GALNTL6: variants seen among roughly 807,000 people sequenced by gnomAD.
GALNTL6 encodes the protein polypeptide N-acetylgalactosaminyltransferase-like 6.
A neutral mutation model predicts 73.7 loss-of-function variants in GALNTL6; 46 were observed. The ratio of observed to expected loss-of-function variants is 0.62; its 90% confidence interval spans 0.49 to 0.80. GALNTL6 has a LOEUF of 0.80. Ranked by LOEUF, GALNTL6 falls within the 30% of genes least tolerant of loss-of-function variation. The pLI is 0.00. For synonymous variants in GALNTL6, 259 were observed against 263.7 expected (o/e 0.98, Z 0.17); for missense variants, 604 against 755.0 (o/e 0.80, Z 2.34).
At chr4:172,825,202 A>G (rs1029489533) in intron 7 of GALNTL6, among the ~76,000 whole-genome samples, 1 of 151,258 alleles carries the variant, frequency 6.6e-6, no homozygotes, top group African/African-American at 2.4e-5. Flanking sequence ...AGAGAAAGAA[A>G]TGTCTGTTTT....
chr4:172,746,282 A>G (rs1737105041), intron 5 of GALNTL6, among the ~76,000 whole-genome samples: 1 of 148,436 alleles, frequency 6.7e-6, no homozygotes, highest in African/African-American at 2.6e-5. Flanking sequence ...GAGATACTGC[A>G]TAGTCTAATG....
chr4:172,566,570 T>G (rs1172019394), intron 5 of GALNTL6, among the ~76,000 whole-genome samples: 1 of 151,786 alleles, frequency 6.6e-6, no homozygotes, highest in African/African-American at 2.4e-5. Flanking sequence ...TAGCAATAAA[T>G]GCCTGCATTT....
intron 5 of GALNTL6, among the ~76,000 whole-genome samples, chr4:172,406,975 A>G (rs1049872965): frequency 4.6e-5 from 7 of 152,128 alleles, no homozygotes; most frequent in African/African-American, 1.7e-4. Flanking sequence ...TACAGAAATC[A>G]TCTGATATCT....
At chr4:172,302,011 C>T (rs982584724) in intron 3 of GALNTL6, among the ~76,000 whole-genome samples, 3 of 152,182 alleles carry the variant, frequency 2.0e-5, no homozygotes, top group African/African-American at 7.2e-5. Flanking sequence ...CTGCGGTGGG[C>T]TCCACCCAGT....
Position 171,967,447 on chromosome 4 carries a change from G to GT in GALNTL6, c.138+152747dup, listed in dbSNP as rs759348628. ...GATTGTAGTTTTCTTCCCCCTATGG[G>GT]TTTTTTTTTTTTTTTTTTGTAGATG... On this transcript the variant is annotated intron_variant, in intron 2 of 12. Transcript: ENST00000506823. 2.3e-3 allele frequency among the ~76,000 whole-genome samples: 33 copies of GT among 14,374 alleles called. 1 individual carries two copies. The highest frequency in any genetic ancestry group is 3.0e-3 in the African/African-American group (31 of 10,356). The allele number at this position is 14,374 out of a possible 152,430, so 9.4% of individuals were successfully genotyped here.
At chr4:172,075,016 T>C (rs1438300538) in intron 2 of GALNTL6, among the ~76,000 whole-genome samples, 1 of 152,236 alleles carries the variant, frequency 6.6e-6, no homozygotes, top group African/African-American at 2.4e-5. Flanking sequence ...CAATCCTGCA[T>C]GTTTTCTATC....
chr4:171,921,817 T>C (rs910928089), intron 2 of GALNTL6, among the ~76,000 whole-genome samples: 26 of 152,070 alleles, frequency 1.7e-4, no homozygotes, highest in African/African-American at 6.0e-4. Flanking sequence ...AATCCTTCAT[T>C]TAAAAAAAGT....
intron 2 of GALNTL6, among the ~76,000 whole-genome samples, chr4:172,015,825 G>A (rs1258228820): frequency 6.7e-6 from 1 of 150,164 alleles, no homozygotes; most frequent in Non-Finnish European, 1.5e-5. Context: ...TATAATTCTT[G>A]GCTGACAATT....
intron 5 of GALNTL6, among the ~76,000 whole-genome samples, chr4:172,769,609 CTAGAGA>C: frequency 6.6e-6 from 1 of 152,286 alleles, no homozygotes; most frequent in African/African-American, 2.4e-5. Flanking sequence ...AATGTCAGAG[CTAGAGA>C]TAGAGATCTG....
chr4:172,813,383 A>G (rs990073570), intron 6 of GALNTL6, among the ~76,000 whole-genome samples, 157 bp from the exon 7 acceptor site: 3 of 152,232 alleles, frequency 2.0e-5, no homozygotes, highest in African/African-American at 7.2e-5. Context: ...CATTAAGTCC[A>G]GAATTCAGAG....
intron 3 of GALNTL6, among the ~76,000 whole-genome samples, chr4:172,261,013 G>A (rs1738239781): frequency 6.6e-5 from 10 of 150,998 alleles, no homozygotes. Flanking sequence ...GCTAATAGCT[G>A]GTTGAGGATT....
At position 172,914,871 on chromosome 4, in the gene GALNTL6, C is replaced by T. The variant is rs540614318; in HGVS notation, c.1042-16290C>T. ...AGAAAGTTCACAAGGATATCCAGGA[C>T]TTGAACACAGCTCTGCACCAAGTGG... On this transcript the variant is annotated intron_variant, in intron 8 of 12. Coordinates refer to ENST00000506823, the MANE Select transcript of GALNTL6 (RefSeq NM_001034845.3). Among the ~76,000 whole-genome samples the T allele has an allele frequency of 2.0e-5, 3 of 152,248 alleles. No homozygotes were observed. In the East Asian group the frequency reaches 5.8e-4, roughly 29 times the overall value.
intron 2 of GALNTL6, among the ~76,000 whole-genome samples, chr4:171,958,693 G>A (rs901232811): frequency 6.6e-5 from 10 of 151,908 alleles, no homozygotes; most frequent in African/African-American, 1.9e-4. Flanking sequence ...TCACATAATT[G>A]CAATTAATCT....
At chr4:172,913,634 G>A (rs1483072467) in intron 8 of GALNTL6, among the ~76,000 whole-genome samples, 1 of 152,132 alleles carries the variant, frequency 6.6e-6, no homozygotes, top group Non-Finnish European at 1.5e-5. Context: ...GTGGAAGAAA[G>A]GGTATCGGTG....
chr4:172,718,881 G>A (rs943047598), intron 5 of GALNTL6, among the ~76,000 whole-genome samples: 2 of 152,034 alleles, frequency 1.3e-5, no homozygotes, highest in Non-Finnish European at 2.9e-5. Flanking sequence ...AGGAATAAGA[G>A]AATCTTCTTT....
chr4:172,652,916 T>A (rs1740542678), intron 5 of GALNTL6, among the ~76,000 whole-genome samples: 1 of 152,148 alleles, frequency 6.6e-6, no homozygotes, highest in Non-Finnish European at 1.5e-5. Context: ...ACCCATAAAT[T>A]CTTTCTGTTT....
chr4:172,769,174 G>A (rs1579457350), intron 5 of GALNTL6, among the ~76,000 whole-genome samples: 4 of 152,144 alleles, frequency 2.6e-5, no homozygotes, highest in Middle Eastern at 3.4e-3. Flanking sequence ...CTAGGCCTAC[G>A]GAGCCACTGA....
intron 4 of GALNTL6, among the ~76,000 whole-genome samples, chr4:172,337,595 T>C (rs1443262828): frequency 2.0e-5 from 3 of 152,162 alleles, no homozygotes; most frequent in Non-Finnish European, 4.4e-5. Flanking sequence ...CCTCAATCTC[T>C]TCTGACTTAC....
At chr4:171,943,377 G>A (rs1738606489) in intron 2 of GALNTL6, among the ~76,000 whole-genome samples, 1 of 152,088 alleles carries the variant, frequency 6.6e-6, no homozygotes, top group Admixed American at 6.6e-5. Context: ...TGCATTTATT[G>A]ACTTTTAGGA....
Sources: gnomAD v4.1 joint callset for allele counts (sites outside exome capture counted in the v4.1 genomes callset) on GRCh38, gnomAD v4.1.1 for gene constraint, MANE v1.5 for transcripts, NCBI Gene and HGNC (gene_info 2026-07-23, HGNC 2026-07-21) for gene names.